RELB: variants seen among roughly 807,000 people sequenced by gnomAD.
RELB encodes the protein RELB proto-oncogene, NF-kB subunit.
Under a neutral mutation model 55.4 loss-of-function variants are expected in RELB, and 14 were observed. That is an observed-to-expected ratio of 0.25 (90% CI 0.17 to 0.40). The LOEUF (loss-of-function observed/expected upper bound fraction) is 0.40, where lower values mean the gene tolerates loss of function less well. Among genes scored for constraint, RELB ranks in the 10% least tolerant of loss-of-function variants. RELB has a pLI of 1.00. For synonymous variants in RELB, 409 were observed against 371.3 expected (o/e 1.10, Z -1.17); for missense variants, 669 against 830.7 (o/e 0.81, Z 2.39).
At chr19:45,019,726 G>A (rs1402090598) in intron 4 of RELB, among the ~76,000 whole-genome samples, 1 of 152,100 alleles carries the variant, frequency 6.6e-6, no homozygotes, top group Non-Finnish European at 1.5e-5. Flanking sequence ...CACCCAGGCT[G>A]GAGTGCAATG....
intron 1 of RELB, 70 bp downstream of exon 1, chr19:45,001,755 G>A (rs1175985431): frequency 7.7e-6 from 8 of 1,037,224 alleles, no homozygotes; most frequent in Non-Finnish European, 1.1e-5. Context: ...TGGCGGTCCC[G>A]GAGTAGTCTG....
chr19:45,020,553 C>G (rs927011576), intron 4 of RELB, among the ~76,000 whole-genome samples: 19 of 86,554 alleles, frequency 2.2e-4, no homozygotes, highest in African/African-American at 8.6e-4. Context: ...TGGCACCCAT[C>G]TTTTTTTTTT....
At chr19:45,021,398 C>CG (rs1851866966) in intron 4 of RELB, among the ~76,000 whole-genome samples, 1 of 140,824 alleles carries the variant, frequency 7.1e-6, no homozygotes, top group Non-Finnish European at 1.5e-5. Context: ...GGCGTGAACC[C>CG]GCAGGCAGAG....
intron 1 of RELB, among the ~76,000 whole-genome samples, chr19:45,002,651 C>T (rs560740432): frequency 1.3e-5 from 2 of 152,144 alleles, no homozygotes; most frequent in Admixed American, 6.5e-5. Context: ...TTGTGCCCAG[C>T]GGGATGGGGA....
intron 3 of RELB, among the ~76,000 whole-genome samples, 156 bp downstream of exon 3, chr19:45,009,978 G>A (rs874743): frequency 0.1 from 15,409 of 151,898 alleles, 1,629 homozygotes; most frequent in African/African-American, 0.27. Context: ...TGCTCCTAAG[G>A]TACTTAGCAG....
chr19:45,021,366 C>T (rs1051846068), intron 4 of RELB, among the ~76,000 whole-genome samples: 9 of 145,528 alleles, frequency 6.2e-5, no homozygotes, highest in South Asian at 2.2e-4. Flanking sequence ...CTCAGCTACT[C>T]GGGAGGCTGA....
At chr19:45,032,343 C>G in intron 8 of RELB, 191 bp from the exon 9 acceptor site, 2 of 532,810 alleles carry the variant, frequency 3.8e-6, no homozygotes, top group Admixed American at 3.1e-5. Flanking sequence ...TGCTTGAACC[C>G]GGGAGGCAGA....
In RELB at chr19:45,034,223, TC is replaced by T. The variant is rs1305125416; in HGVS notation, c.1208-18del. ...TTATTGATGAATTACTTCTTGTGTGTCCCTGGTATCTCCTTAACAGACAGCT... is the reference window on the plus strand; with the variant it reads ...TTATTGATGAATTACTTCTTGTGTGTCCTGGTATCTCCTTAACAGACAGCT... On this transcript the variant is annotated intron_variant, in intron 9 of 11. Coordinates refer to ENST00000221452, the MANE Select transcript of RELB (RefSeq NM_006509.4). 1 of 1,587,534 alleles carries T rather than the reference TC, an allele frequency of 6.3e-7. No individual in the cohort carries two copies. Among genetic ancestry groups the T allele is most frequent in the Non-Finnish European group, 8.6e-7 (1 of 1,156,504 alleles).
At position 45,032,630 on chromosome 19, in the gene RELB, C is replaced by T. The variant is rs373675698; in HGVS notation, c.1088C>T (p.Thr363Met). Residue 363 changes from threonine (T) to methionine (M), a missense_variant, in exon 9 of 12, where the codon ACG (threonine) becomes ATG (methionine). Thr to Met is a moderately conservative substitution (Grantham distance 81). Transcript: ENST00000221452. ...VHRQIAIVFK[T>M]PPYEDLEIVE... ...CGCCAGATTGCCATTGTGTTCAAGA[C>T]GCCGCCCTACGAGGACCTGGAGATT... 6.8e-6 allele frequency: 11 copies of T among 1,612,876 alleles called. No individual in the cohort carries two copies. The highest frequency in any genetic ancestry group is 8.5e-6 in the Non-Finnish European group (10 of 1,179,586).
rs896875841 is a variant in RELB, at chr19:45,032,418, A to G, written c.992-116A>G. 105 of 891,688 alleles carry G rather than the reference A, an allele frequency of 1.2e-4. 3 individuals are homozygous for G. The South Asian group carries it at 1.8e-3, about 15-fold the overall frequency. The allele number at this position is 891,688 out of a possible 1,614,324, so 55.2% of individuals were successfully genotyped here. A position where few individuals can be genotyped will look rare whatever the true frequency, so the allele number is the denominator to read the frequency against. Reference sequence around the variant, plus strand: ...TGGGCAACAGAGCAAGACTCTCAAAAAAAAAAAATTTTAAAAAGGGGGAAT... The same window carrying G: ...TGGGCAACAGAGCAAGACTCTCAAAGAAAAAAAATTTTAAAAAGGGGGAAT... On this transcript the variant is annotated intron_variant, in intron 8 of 11. Transcript: ENST00000221452.
At chr19:45,036,414 A>G (rs923282892) in intron 11 of RELB, among the ~76,000 whole-genome samples, 8 of 151,834 alleles carry the variant, frequency 5.3e-5, no homozygotes, top group Non-Finnish European at 1.0e-4. Context: ...TTTGATTGTT[A>G]TTTTTTCTTA....
At chr19:45,007,736 T>C (rs1568396707) in intron 2 of RELB, among the ~76,000 whole-genome samples, 1 of 151,984 alleles carries the variant, frequency 6.6e-6, no homozygotes, top group African/African-American at 2.4e-5. Flanking sequence ...TACGAGACTG[T>C]AATCCCAGCT....
rs1971495728 is a variant in RELB at position 45,022,064 on chromosome 19, T to C, written c.516T>C (p.Cys172=). The change falls in exon 5 of 12, where the codon TGT becomes TGC. Residue 172 remains cysteine, a synonymous_variant. Coordinates refer to ENST00000221452, the MANE Select transcript of RELB (RefSeq NM_006509.4). ...KTLPAIELRD[C]GGLREVEVTA... is the part of the protein sequence containing the mutation. ...TTCTCTTCCTGCAGCTCCGGGATTG[T>C]GGAGGGCTGCGGGAGGTGGAGGTGA... The C allele has an allele frequency of 6.2e-7, 1 of 1,610,850 alleles. No individual in the cohort carries two copies. Among genetic ancestry groups the C allele is most frequent in the Non-Finnish European group, 8.5e-7 (1 of 1,178,314 alleles).
intron 8 of RELB, among the ~76,000 whole-genome samples, chr19:45,031,856 G>A (rs1042428539): frequency 3.3e-5 from 5 of 151,732 alleles, no homozygotes; most frequent in Admixed American, 1.3e-4. Context: ...GATTATGGGC[G>A]TGAGCCACCG....
In RELB at chr19:45,001,704, C is replaced by A; in HGVS notation, c.106+19C>A. On this transcript the variant is annotated intron_variant, in intron 1 of 11. Coordinates refer to ENST00000221452, the MANE Select transcript of RELB (RefSeq NM_006509.4). ...GCCTTAGGTAAGCGGGGCTGGGGTTCAGGAGAGGGGTCTGGGGCGGGGCTG... is the reference window on the plus strand; with the variant it reads ...GCCTTAGGTAAGCGGGGCTGGGGTTAAGGAGAGGGGTCTGGGGCGGGGCTG... The A allele has an allele frequency of 6.8e-7, 1 of 1,471,686 alleles. No individual in the cohort carries two copies. 91.2% of individuals were successfully genotyped at this position (1,471,686 alleles called of 1,614,324 possible). A position where few individuals can be genotyped will look rare whatever the true frequency, so the allele number is the denominator to read the frequency against.
chr19:45,025,274 G>A, intron 5 of RELB, 55 bp from the exon 6 acceptor site: 1 of 1,292,004 alleles, frequency 7.7e-7, no homozygotes, highest in South Asian at 1.3e-5. Flanking sequence ...CTGCAGGTTA[G>A]GGCCACACTT....
At chr19:45,002,801 C>T in intron 1 of RELB, 148 bp from the exon 2 acceptor site, 1 of 628,284 alleles carries the variant, frequency 1.6e-6, no homozygotes, top group South Asian at 1.9e-5. Context: ...AGCTGGTAAG[C>T]CTGGCCAGAC....
chr19:45,022,023 G>A (rs1307171695), intron 4 of RELB, 30 bp from the exon 5 acceptor site: 1 of 1,583,746 alleles, frequency 6.3e-7, no homozygotes. Context: ...TCGGTGATGG[G>A]ACCCCCAAAG....
intron 3 of RELB, among the ~76,000 whole-genome samples, chr19:45,011,215 T>A (rs1028777893): frequency 5.9e-5 from 9 of 151,618 alleles, no homozygotes; most frequent in Non-Finnish European, 1.3e-4. Flanking sequence ...CAGGATGGAG[T>A]GCAGTGACGC....
Sources: allele counts gnomAD v4.1 joint callset (sites outside exome capture counted in the v4.1 genomes callset), GRCh38; gene constraint gnomAD v4.1.1; transcripts MANE v1.5; gene names NCBI Gene and HGNC (gene_info 2026-07-23, HGNC 2026-07-21).